The following KLHL1 variants were observed in gnomAD, a reference collection of about 807,000 sequenced individuals.
The protein encoded by KLHL1 is kelch-like protein 1.
KLHL1 carries 47 observed loss-of-function variants against 77.7 expected under a neutral mutation model. That is an observed-to-expected ratio of 0.60 (90% CI 0.48 to 0.77). The LOEUF is 0.77. KLHL1 is among the 30% of genes least tolerant of loss of function. KLHL1 has a pLI of 0.00. For missense variants in KLHL1, 925 were observed against 910.8 expected (o/e 1.02, Z -0.20); for synonymous variants, 360 against 325.2 (o/e 1.11, Z -1.15).
Position 69,871,487 on chromosome 13 carries a change from T to C in KLHL1, c.1227+10796A>G, listed in dbSNP as rs528348204. ...TTCTTCTTCTGAAACTGTTTTTTCC[T>C]TCTCTACCACATGACCAGGCTCAAA... is the stretch of plus-strand genomic sequence containing the variant. On this transcript the variant is annotated intron_variant, in intron 5 of 10. Transcript: ENST00000377844. 9.8e-5 allele frequency among the ~76,000 whole-genome samples: 15 copies of C among 152,344 alleles called. No homozygotes were observed. The South Asian group carries it at 1.2e-3, about 13-fold the overall frequency.
chr13:69,843,927 T>C (rs890022991), intron 5 of KLHL1, among the ~76,000 whole-genome samples: 1 of 151,676 alleles, frequency 6.6e-6, no homozygotes, highest in African/African-American at 2.4e-5. Context: ...TTACATTTAC[T>C]TGGACAACTT....
intron 1 of KLHL1, among the ~76,000 whole-genome samples, chr13:70,049,482 C>G (rs921159347): frequency 2.0e-5 from 3 of 152,072 alleles, no homozygotes; most frequent in African/African-American, 7.2e-5. Flanking sequence ...CTAAATCAGC[C>G]CACAAAGGGA....
Position 69,810,988 on chromosome 13 carries a change from C to G in KLHL1, c.1415-14026G>C, listed in dbSNP as rs1593852448. ...ACTGAATCAGCATTAAGAAACCTAT[C>G]AAATAAAAAAAGCCCTATACCAGAT... On this transcript the variant is annotated intron_variant, in intron 6 of 10. Coordinates refer to ENST00000377844, the MANE Select transcript of KLHL1 (RefSeq NM_020866.3). Among the ~76,000 whole-genome samples, 3 of 150,728 alleles carry G rather than the reference C, an allele frequency of 2.0e-5. No individual in the cohort carries two copies. The South Asian group carries it at 6.2e-4, about 31-fold the overall frequency.
At chr13:70,070,678 GC>G (rs2137417375) in intron 1 of KLHL1, among the ~76,000 whole-genome samples, 1 of 152,110 alleles carries the variant, frequency 6.6e-6, no homozygotes, top group South Asian at 2.1e-4. Context: ...AAGGAAGAAT[GC>G]GGGAGAAGAA....
chr13:69,899,070 A>G (rs1327427267), intron 4 of KLHL1, among the ~76,000 whole-genome samples: 2 of 151,982 alleles, frequency 1.3e-5, no homozygotes, highest in Non-Finnish European at 2.9e-5. Context: ...AGTTAGCTAG[A>G]AGAAAGAAAC....
chr13:69,759,682 C>G (rs748706092), intron 7 of KLHL1, among the ~76,000 whole-genome samples: 4 of 152,152 alleles, frequency 2.6e-5, no homozygotes, highest in Non-Finnish European at 5.9e-5. Flanking sequence ...TTGCTCTACT[C>G]AATTGTTAGG....
intron 1 of KLHL1, among the ~76,000 whole-genome samples, chr13:70,103,925 C>A (rs913559408): frequency 6.6e-6 from 1 of 152,038 alleles, no homozygotes; most frequent in Non-Finnish European, 1.5e-5. Context: ...TTTAGAGATG[C>A]AAATCTGTAA....
chr13:69,746,253 C>G (rs1412430384), intron 7 of KLHL1, among the ~76,000 whole-genome samples: 8 of 151,436 alleles, frequency 5.3e-5, no homozygotes, highest in Non-Finnish European at 1.0e-4. Flanking sequence ...CAAAATAATA[C>G]CAGTTGTATT....
At chr13:69,744,350 G>A (rs924396178) in intron 7 of KLHL1, among the ~76,000 whole-genome samples, 41 of 152,176 alleles carry the variant, frequency 2.7e-4, no homozygotes, top group Non-Finnish European at 8.8e-5. Flanking sequence ...CGTAGGATTT[G>A]AAAATAGGTT....
intron 4 of KLHL1, among the ~76,000 whole-genome samples, chr13:69,920,579 C>A (rs1336427077): frequency 6.6e-6 from 1 of 151,906 alleles, no homozygotes; most frequent in African/African-American, 2.4e-5. Context: ...TATAAATGGG[C>A]TTTTTTGATA....
chr13:70,063,766 C>T (rs1322104175), intron 1 of KLHL1, among the ~76,000 whole-genome samples: 1 of 151,928 alleles, frequency 6.6e-6, no homozygotes, highest in Non-Finnish European at 1.5e-5. Context: ...GGTGATAATA[C>T]ATTGTTTACA....
intron 5 of KLHL1, among the ~76,000 whole-genome samples, chr13:69,844,223 T>C (rs1879371220): frequency 6.6e-6 from 1 of 151,420 alleles, no homozygotes; most frequent in Admixed American, 6.6e-5. Flanking sequence ...TTATGAATTA[T>C]TTATTTCAAT....
At chr13:69,985,662 T>C (rs1172916470) in intron 1 of KLHL1, among the ~76,000 whole-genome samples, 1 of 151,016 alleles carries the variant, frequency 6.6e-6, no homozygotes, top group Non-Finnish European at 1.5e-5. Flanking sequence ...GAGATGAATA[T>C]GTTGAAAATA....
rs566134206 is a variant in KLHL1 at position 70,072,808 on chromosome 13, A to C, written c.497+34395T>G. On this transcript the variant is annotated intron_variant, in intron 1 of 10. Coordinates refer to ENST00000377844, the MANE Select transcript of KLHL1 (RefSeq NM_020866.3). The stretch of plus-strand genomic sequence containing the variant: ...ATGGAAACTTTTTCAACTTGGTAAA[A>C]AACTTTTATTTAAAAAAAAACTACA... Among the ~76,000 whole-genome samples, 3 of 152,204 alleles carry C rather than the reference A, an allele frequency of 2.0e-5. No individual in the cohort carries two copies. The South Asian group carries it at 6.2e-4, about 32-fold the overall frequency.
chr13:69,924,336 C>A (rs960122405), intron 4 of KLHL1, among the ~76,000 whole-genome samples: 2 of 152,166 alleles, frequency 1.3e-5, no homozygotes, highest in Non-Finnish European at 2.9e-5. Context: ...TCCGGGCCTG[C>A]CCATGGCTGT....
chr13:69,840,691 T>TATAA (rs201967870), intron 5 of KLHL1, among the ~76,000 whole-genome samples: 64 of 139,500 alleles, frequency 4.6e-4, no homozygotes, highest in Middle Eastern at 3.5e-3. Flanking sequence ...ACTTTATATA[T>TATAA]ATATATATAT....
In KLHL1 at chr13:70,057,782, C is replaced by CAAA. The variant is rs60920874; in HGVS notation, c.497+49418_497+49420dup. On this transcript the variant is annotated intron_variant, in intron 1 of 10. Transcript: ENST00000377844. Reference sequence around the variant, plus strand: ...TGGGCGACAGAGCGAGACTCCGTCTCAAAAAAAAAAAAAAAAAAAAAAAGA... The same window carrying CAAA: ...TGGGCGACAGAGCGAGACTCCGTCTCAAAAAAAAAAAAAAAAAAAAAAAAAAGA... 6.8e-3 allele frequency among the ~76,000 whole-genome samples: 423 copies of CAAA among 61,968 alleles called. 8 individuals are homozygous for CAAA. The highest frequency in any genetic ancestry group is 0.018 in the African/African-American group (258 of 14,558). 40.7% of individuals were successfully genotyped at this position (61,968 alleles called of 152,430 possible).
Position 69,753,827 on chromosome 13 carries a change from G to A in KLHL1, c.1640-13271C>T, listed in dbSNP as rs537782941. 1.0e-4 allele frequency among the ~76,000 whole-genome samples: 13 copies of A among 125,080 alleles called. No homozygotes were observed. The East Asian group carries it at 2.8e-3, about 27-fold the overall frequency. 82.1% of individuals were successfully genotyped at this position (125,080 alleles called of 152,430 possible). A position where few individuals can be genotyped will look rare whatever the true frequency, so the allele number is the denominator to read the frequency against. ...CATTCCATGTTCATTTTCCATAATG[G>A]CATAGAAATAATTGAAAAAAAAAAT... On this transcript the variant is annotated intron_variant, in intron 7 of 10. Transcript: ENST00000377844.
chr13:69,838,669 C>T (rs1013217781), intron 6 of KLHL1, among the ~76,000 whole-genome samples: 1 of 151,796 alleles, frequency 6.6e-6, no homozygotes, highest in Non-Finnish European at 1.5e-5. Context: ...TTTCACATTT[C>T]TTGGCATTGA....
Sources: allele counts gnomAD v4.1 joint callset (sites outside exome capture counted in the v4.1 genomes callset), GRCh38; gene constraint gnomAD v4.1.1; transcripts MANE v1.5; gene names NCBI Gene and HGNC (gene_info 2026-07-23, HGNC 2026-07-21).